The following SLC39A5 variants were observed in gnomAD, a reference collection of about 807,000 sequenced individuals.
SLC39A5 encodes zinc transporter ZIP5.
Under a neutral mutation model 46.9 loss-of-function variants are expected in SLC39A5, and 42 were observed. The ratio of observed to expected loss-of-function variants is 0.90; its 90% confidence interval spans 0.70 to 1.16. The LOEUF (loss-of-function observed/expected upper bound fraction) is 1.16. SLC39A5 is among the 50% of genes most tolerant of loss of function. The pLI is 0.00. For synonymous variants in SLC39A5, 311 were observed against 323.1 expected, an observed-to-expected ratio of 0.96 and a Z score of 0.40; for missense variants, 677 against 686.8, an observed-to-expected ratio of 0.99 and a Z score of 0.16.
Position 56,232,715 on chromosome 12 carries a change from A to T in SLC39A5, c.314A>T (p.Asp105Val). ...HRPQNPELSV[D>V]VWAGMPLGPS... ...CCACAGAACCCTGAGCTGAGTGTGGATGTCTGGGCAGGGATGCCTCTGGGT... is the reference window on the plus strand; with the variant it reads ...CCACAGAACCCTGAGCTGAGTGTGGTTGTCTGGGCAGGGATGCCTCTGGGT... The change falls in exon 5 of 13, where the codon GAT becomes GTT. Residue 105 changes from aspartate to valine, a missense_variant. Asp to Val is a radical substitution (Grantham distance 152). Transcript: ENST00000454355. The T allele has an allele frequency of 6.2e-7, 1 of 1,610,520 alleles. No homozygotes were observed. The highest frequency in any genetic ancestry group is 1.7e-4 in the Middle Eastern group (1 of 6,048).
At chr12:56,232,903 G>A (rs1184690209) in intron 5 of SLC39A5, 31 bp downstream of exon 5, 5 of 1,579,978 alleles carry the variant, frequency 3.2e-6, no homozygotes, top group Admixed American at 1.9e-5. Context: ...AGGGGAAGGA[G>A]CCATGGGATT....
rs766647859 is a variant in SLC39A5 at position 56,236,690 on chromosome 12, C to T, written c.1151C>T (p.Thr384Met). The T allele has an allele frequency of 2.7e-5, 43 of 1,612,852 alleles. No homozygotes were observed. Among genetic ancestry groups the T allele is most frequent in the Admixed American group, 8.3e-5 (5 of 59,924 alleles). ...SHGHQGGTDITWMVLLGDGLH... is the reference protein window; with the variant it reads ...SHGHQGGTDIMWMVLLGDGLH... ...GGGCACCAGGGTGGCACTGATATCA[C>T]GTGGATGGTCCTCCTGGGAGATGGT... The change falls in exon 10 of 13, where the codon ACG becomes ATG. Residue 384 changes from threonine to methionine, a missense_variant. Coordinates refer to ENST00000454355, the MANE Select transcript of SLC39A5 (RefSeq NM_173596.3).
chr12:56,236,944 TGATGGCTTCTCC>T lies in SLC39A5; in HGVS notation c.1222_1233del (p.Asp408_Ser411del). The T allele has an allele frequency of 6.2e-7, 1 of 1,614,134 alleles. No individual in the cohort carries two copies. Among genetic ancestry groups the T allele is most frequent in the South Asian group, 1.1e-5 (1 of 91,082 alleles). ...TGCTGGCCCCAGGTGCTGCCTTCTC[TGATGGCTTCTCC>T]AGCGGCCTCAGTACCACCTTAGCGG... On this transcript the variant is annotated inframe_deletion, in exon 11 of 13. Coordinates refer to ENST00000454355, the MANE Select transcript of SLC39A5 (RefSeq NM_173596.3).
At position 56,231,452 on chromosome 12, in the gene SLC39A5, C is replaced by A; in HGVS notation, c.178C>A (p.Arg60=). The A allele has an allele frequency of 6.2e-7, 1 of 1,613,930 alleles. No homozygotes were observed. The highest frequency in any genetic ancestry group is 8.5e-7 in the Non-Finnish European group (1 of 1,179,904). ...NGTLTAGGLA[R]LLHSLGLGRV... ...GACGCTGACTGCAGGGGGCTTGGCG[C>A]GGCTTCTCCACAGCCTGGGGCTAGG... The change falls in exon 4 of 13, where the codon CGG becomes AGG. Residue 60 remains arginine (R), a synonymous_variant. Transcript: ENST00000454355.
chr12:56,232,560 T>C (rs1870329201), intron 4 of SLC39A5, 129 bp from the exon 5 acceptor site: 1 of 777,286 alleles, frequency 1.3e-6, no homozygotes, highest in Non-Finnish European at 2.0e-6. Flanking sequence ...TGACATTCCA[T>C]GGTTTCTGGG....
In SLC39A5 at chr12:56,234,673, T is replaced by C. The variant is rs553108839; in HGVS notation, c.472-151T>C. 2.8e-4 allele frequency: 214 copies of C among 773,328 alleles called. No homozygotes were observed. In the African/African-American group the frequency reaches 3.3e-3, roughly 12 times the overall value. The allele number at this position is 773,328 out of a possible 1,614,324, so 47.9% of individuals were successfully genotyped here. A position where few individuals can be genotyped will look rare whatever the true frequency, so the allele number is the denominator to read the frequency against. On this transcript the variant is annotated intron_variant, in intron 5 of 12. Coordinates refer to ENST00000454355, the MANE Select transcript of SLC39A5 (RefSeq NM_173596.3). ...ACAGGGTTTCACTATGTTGGCCAGGTTGGTCTCAAACTCCTGACCTCAGAT... is the reference window on the plus strand; with the variant it reads ...ACAGGGTTTCACTATGTTGGCCAGGCTGGTCTCAAACTCCTGACCTCAGAT...
Position 56,236,929 on chromosome 12 carries a change from A to C in SLC39A5, c.1208-2A>C. On this transcript the variant is annotated splice_acceptor_variant, in intron 10 of 12. Transcript: ENST00000454355. LOFTEE classifies it high-confidence loss of function. ...GACAACTTCCGACCCTGCTGGCCCC[A>C]GGTGCTGCCTTCTCTGATGGCTTCT... 1 of 1,614,060 alleles carries C rather than the reference A, an allele frequency of 6.2e-7. No homozygotes were observed. Among genetic ancestry groups the C allele is most frequent in the Non-Finnish European group, 8.5e-7 (1 of 1,179,938 alleles).
chr12:56,232,327 G>C (rs543149701), intron 4 of SLC39A5, among the ~76,000 whole-genome samples: 2 of 151,698 alleles, frequency 1.3e-5, no homozygotes, highest in East Asian at 3.9e-4. Flanking sequence ...CACCACGCCG[G>C]GCTAATTTTT....
At chr12:56,234,417 C>T (rs563258438) in intron 5 of SLC39A5, among the ~76,000 whole-genome samples, 9 of 151,442 alleles carry the variant, frequency 5.9e-5, no homozygotes, top group African/African-American at 1.9e-4. Flanking sequence ...TGGGTTCAAG[C>T]GATTCTCCTG....
intron 10 of SLC39A5, 35 bp downstream of exon 10, chr12:56,236,781 A>G: frequency 1.3e-6 from 2 of 1,578,228 alleles, no homozygotes; most frequent in Non-Finnish European, 1.7e-6. Context: ...AGCAGGTCCG[A>G]GGGGAGGCCA....
At chr12:56,236,770 A>G (rs1870820999) in intron 10 of SLC39A5, 24 bp downstream of exon 10, 2 of 1,582,970 alleles carry the variant, frequency 1.3e-6, no homozygotes, top group Admixed American at 1.7e-5. Flanking sequence ...GAACGGAGGG[A>G]AGCAGGTCCG....
Position 56,237,095 on chromosome 12 carries a change from T to C in SLC39A5, c.1289-55T>C, listed in dbSNP as rs892416039. ...AGAGCTTGGAGGCTGGTGGGTGGCA[T>C]GGATGAGGGGCACCCCAGCTTACTC... On this transcript the variant is annotated intron_variant, in intron 11 of 12. Coordinates refer to ENST00000454355, the MANE Select transcript of SLC39A5 (RefSeq NM_173596.3). 2.5e-6 allele frequency: 4 copies of C among 1,611,546 alleles called. No individual in the cohort carries two copies. In the African/African-American group the frequency reaches 4.0e-5, roughly 16 times the overall value.
rs1592379826 is a variant in SLC39A5 at position 56,236,472 on chromosome 12, A to G, written c.1022A>G (p.Gln341Arg). 1 of 1,614,256 alleles carries G rather than the reference A, an allele frequency of 6.2e-7. No homozygotes were observed. Among genetic ancestry groups the G allele is most frequent in the East Asian group, 2.2e-5 (1 of 44,890 alleles). Residue 341 changes from glutamine to arginine, a missense_variant, in exon 9 of 13, where the codon CAG (glutamine) becomes CGG (arginine). By Grantham distance (43) the Gln-to-Arg change is conservative. Coordinates refer to ENST00000454355, the MANE Select transcript of SLC39A5 (RefSeq NM_173596.3). ...GAGAATGGCAGTGGGATGGCCCTTCAGCCCCTACAGGCAGCTCCAGGTGAC... is the reference window on the plus strand; with the variant it reads ...GAGAATGGCAGTGGGATGGCCCTTCGGCCCCTACAGGCAGCTCCAGGTGAC... ...DPENGSGMAL[Q>R]PLQAAPEPGA... is the part of the protein sequence containing the mutation.
intron 3 of SLC39A5, 78 bp from the exon 4 acceptor site, chr12:56,231,126 G>T (rs1464970044): frequency 1.1e-5 from 9 of 817,572 alleles, no homozygotes; most frequent in East Asian, 7.9e-5. Flanking sequence ...TGGGGAGCAG[G>T]TGCAAGGAGC....
chr12:56,236,454 G>A lies in SLC39A5; in HGVS notation c.1004G>A (p.Gly335Asp). ...LETRNLDPEN[G>D]SGMALQPLQA... ...ACACGCAACTTGGATCCGGAGAATG[G>A]CAGTGGGATGGCCCTTCAGCCCCTA... Residue 335 changes from glycine (G) to aspartate (D), a missense_variant, in exon 9 of 13, where the codon GGC (glycine) becomes GAC (aspartate). Transcript: ENST00000454355. 6.2e-7 allele frequency: 1 copy of A among 1,614,276 alleles called. No individual in the cohort carries two copies. Among genetic ancestry groups the A allele is most frequent in the Non-Finnish European group, 8.5e-7 (1 of 1,180,054 alleles).
In SLC39A5 at chr12:56,237,725, G is replaced by A; in HGVS notation, c.1617G>A (p.Glu539=). The A allele has an allele frequency of 6.4e-7, 1 of 1,553,786 alleles. No homozygotes were observed. The highest frequency in any genetic ancestry group is 8.7e-7 in the Non-Finnish European group (1 of 1,151,876). The change falls in exon 13 of 13, where the codon GAG becomes GAA. Residue 539 remains glutamate, a synonymous_variant. Transcript: ENST00000454355. ...AGCGGCTACTGCCCGTGACCACTGA[G>A]GGCTGATGGGGCCAGTGGAAAGGGG... ...LEERLLPVTT[E]G
chr12:56,237,096 G>A, intron 11 of SLC39A5, 54 bp from the exon 12 acceptor site: 2 of 1,611,984 alleles, frequency 1.2e-6, no homozygotes, highest in Non-Finnish European at 1.7e-6. Context: ...TGGGTGGCAT[G>A]GATGAGGGGC....
In SLC39A5 at chr12:56,235,104, G is replaced by A. The variant is rs1036339876; in HGVS notation, c.635-53G>A. 28 of 1,556,944 alleles carry A rather than the reference G, an allele frequency of 1.8e-5. No homozygotes were observed. In the African/African-American group the frequency reaches 2.3e-4, roughly 13 times the overall value. ...TAGTGTTCTCTCTGCTCCACCTTAC[G>A]TGTGGGACCCTCCTCTTGCCCTGAC... On this transcript the variant is annotated intron_variant, in intron 6 of 12. Coordinates refer to ENST00000454355, the MANE Select transcript of SLC39A5 (RefSeq NM_173596.3).
chr12:56,232,990 G>A lies in SLC39A5; in HGVS notation c.471+118G>A, dbSNP rs558897706. Reference sequence around the variant, plus strand: ...TTAAATCCCAACGTGGACCAAGCGTGGTGGCTCACGCCTGTAATCCCAACA... The same window carrying A: ...TTAAATCCCAACGTGGACCAAGCGTAGTGGCTCACGCCTGTAATCCCAACA... On this transcript the variant is annotated intron_variant, in intron 5 of 12. Transcript: ENST00000454355. The A allele has an allele frequency of 2.7e-5, 29 of 1,054,892 alleles. No individual in the cohort carries two copies. The South Asian group carries it at 4.0e-4, about 15-fold the overall frequency. The allele number at this position is 1,054,892 out of a possible 1,614,324, so 65.3% of individuals were successfully genotyped here.
Sources: allele counts gnomAD v4.1 joint callset (sites outside exome capture counted in the v4.1 genomes callset), GRCh38; gene constraint gnomAD v4.1.1; transcripts MANE v1.5; gene names NCBI Gene and HGNC (gene_info 2026-07-23, HGNC 2026-07-21).